Variants in SLC2A7 observed in about 807,000 individuals in gnomAD.
SLC2A7 encodes the protein solute carrier family 2, facilitated glucose transporter member 7.
SLC2A7 carries 50 observed loss-of-function variants against 50.5 expected under a neutral mutation model. The ratio of observed to expected loss-of-function variants is 0.99; its 90% CI spans 0.79 to 1.25. The LOEUF is 1.25. SLC2A7 is among the 50% of genes most tolerant of loss of function. The pLI, the probability that SLC2A7 is intolerant of heterozygous loss-of-function variation, is 0.00. For synonymous variants in SLC2A7, 308 were observed against 300.4 expected (o/e 1.03, Z -0.26); for missense variants, 683 against 679.1 (o/e 1.01, Z -0.06).
chr1:9,019,692 G>A (rs1640885131), intron 3 of SLC2A7, among the ~76,000 whole-genome samples: 1 of 152,218 alleles, frequency 6.6e-6, no homozygotes, highest in Non-Finnish European at 1.5e-5. Flanking sequence ...GGGAGGCTGA[G>A]GTGGGCGGAT....
Position 9,008,119 on chromosome 1 carries a change from G to T in SLC2A7, c.1117-734C>A, listed in dbSNP as rs1030358236. On this transcript the variant is annotated intron_variant, in intron 9 of 11. Coordinates refer to ENST00000400906, the MANE Select transcript of SLC2A7 (RefSeq NM_207420.3). This position sits in a 1 kb window ranked among gnomAD's most constrained non-coding sequence, Gnocchi z 5.9. ...ACCACCATCTCTGCTCCCAACTGCC[G>T]AGAGAACAGCCAATGCAAAACCGGG... 6.6e-6 allele frequency among the ~76,000 whole-genome samples: 1 copy of T among 152,000 alleles called. No homozygotes were observed. Among genetic ancestry groups the T allele is most frequent in the African/African-American group, 2.4e-5 (1 of 41,378 alleles).
rs1640599635 is a variant in SLC2A7, at chr1:9,003,189, G to A, written c.*111C>T. ...AATATCCATAATTAAGTTAAATGGGGGCAACGACAAAAGCCTCCGTGCTAT... is the reference window on the plus strand; with the variant it reads ...AATATCCATAATTAAGTTAAATGGGAGCAACGACAAAAGCCTCCGTGCTAT... On this transcript the variant is annotated 3_prime_UTR_variant, in exon 12 of 12. Coordinates refer to ENST00000400906, the MANE Select transcript of SLC2A7 (RefSeq NM_207420.3). 1.2e-6 allele frequency: 1 copy of A among 868,688 alleles called. No homozygotes were observed. Among genetic ancestry groups the A allele is most frequent in the East Asian group, 2.6e-5 (1 of 38,524 alleles). The allele number at this position is 868,688 out of a possible 1,614,324, so 53.8% of individuals were successfully genotyped here. A position where few individuals can be genotyped will look rare whatever the true frequency, so the allele number is the denominator to read the frequency against.
At chr1:9,004,907 C>T (rs759032755) in intron 10 of SLC2A7, 28 bp from the exon 11 acceptor site, 14 of 1,605,434 alleles carry the variant, frequency 8.7e-6, no homozygotes, top group African/African-American at 1.3e-5. Flanking sequence ...ATGGGTGGGG[C>T]GGAGAAGGAC....
At chr1:8,996,749 T>A in the SLC2A7 span, among the ~76,000 whole-genome samples, 1 of 152,202 alleles carries the variant, frequency 6.6e-6, no homozygotes, top group Non-Finnish European at 1.5e-5. Flanking sequence ...ATTGTGGTTT[T>A]AATTTACATA....
downstream of SLC2A7, among the ~76,000 whole-genome samples, chr1:9,000,398 C>T (rs2124228629): frequency 6.6e-6 from 1 of 151,984 alleles, no homozygotes; most frequent in Non-Finnish European, 1.5e-5. Flanking sequence ...ACAGATGGAT[C>T]ACCTGAGGTT....
chr1:9,013,144 A>G (rs1301802658), intron 8 of SLC2A7, among the ~76,000 whole-genome samples: 2 of 152,030 alleles, frequency 1.3e-5, no homozygotes, highest in East Asian at 3.9e-4. Flanking sequence ...CACCTGCCTC[A>G]GTCTCCCAAA....
Position 9,026,295 on chromosome 1 carries a change from C to T in SLC2A7, c.51G>A (p.Gly17=). The T allele has an allele frequency of 6.2e-7, 1 of 1,609,010 alleles. No individual in the cohort carries two copies. The highest frequency in any genetic ancestry group is 8.5e-7 in the Non-Finnish European group (1 of 1,177,494). ...GTPPPIPSRE[G]RLQPTLLLAT... ...ACAGGTTCCTAGTCTTGGCACTTAC[C>T]CCCTCCCTGGATGGAATGGGTGGAG... Residue 17 remains glycine, a splice_region_variant and synonymous_variant, in exon 1 of 12, where the codon GGG becomes GGA. Transcript: ENST00000400906.
chr1:8,997,920 A>G, the SLC2A7 span, among the ~76,000 whole-genome samples: 1 of 152,172 alleles, frequency 6.6e-6, no homozygotes, highest in African/African-American at 2.4e-5. Context: ...TAAGCTCACA[A>G]AGATTTATCT....
chr1:9,016,849 C>T (rs1640838285), intron 5 of SLC2A7, among the ~76,000 whole-genome samples: 1 of 152,180 alleles, frequency 6.6e-6, no homozygotes, highest in Non-Finnish European at 1.5e-5. Context: ...GAGTGTCTCT[C>T]ACTTTCTCCT....
In SLC2A7 at chr1:9,013,326, G is replaced by A. The variant is rs1347290356; in HGVS notation, c.1014+199C>T. ...ATTACAAGTGTGAGCCGCCGCGCCCGGCCGGCTCTGAAGGAATTTTGAGTT... is the reference window on the plus strand; with the variant it reads ...ATTACAAGTGTGAGCCGCCGCGCCCAGCCGGCTCTGAAGGAATTTTGAGTT... On this transcript the variant is annotated intron_variant, in intron 8 of 11. Transcript: ENST00000400906. 2.0e-5 allele frequency among the ~76,000 whole-genome samples: 3 copies of A among 152,164 alleles called. 1 individual carries two copies. The highest frequency in any genetic ancestry group is 4.1e-4 in the South Asian group (2 of 4,830).
chr1:9,007,295 C>G lies in SLC2A7; in HGVS notation c.1192+15G>C. The G allele has an allele frequency of 6.2e-7, 1 of 1,614,010 alleles. No individual in the cohort carries two copies. Among genetic ancestry groups the G allele is most frequent in the Non-Finnish European group, 8.5e-7 (1 of 1,179,894 alleles). Reference sequence around the variant, plus strand: ...ACCAGGATGGCCGGGGCGAGGGAGGCGTGCAGGTACTCACTGGGCCCAATG... The same window carrying G: ...ACCAGGATGGCCGGGGCGAGGGAGGGGTGCAGGTACTCACTGGGCCCAATG... On this transcript the variant is annotated intron_variant, in intron 10 of 11. Coordinates refer to ENST00000400906, the MANE Select transcript of SLC2A7 (RefSeq NM_207420.3).
At chr1:9,010,299 T>C in intron 8 of SLC2A7, 55 bp from the exon 9 acceptor site, 2 of 1,447,934 alleles carry the variant, frequency 1.4e-6, no homozygotes, top group Non-Finnish European at 1.9e-6. Context: ...CCACGGTTCT[T>C]GGGCCGAGCC....
At chr1:9,015,641 GA>G (rs1470036800) in intron 5 of SLC2A7, among the ~76,000 whole-genome samples, 1 of 152,114 alleles carries the variant, frequency 6.6e-6, no homozygotes, top group Non-Finnish European at 1.5e-5. Flanking sequence ...TTGGCCTAAG[GA>G]GGGGAACTGA....
chr1:8,996,864 C>T, the SLC2A7 span, among the ~76,000 whole-genome samples: 1 of 152,014 alleles, frequency 6.6e-6, no homozygotes. Context: ...CAACCTCTGC[C>T]TCCCGGGATC....
the SLC2A7 span, among the ~76,000 whole-genome samples, chr1:8,994,770 C>A: frequency 6.6e-6 from 1 of 150,810 alleles, no homozygotes; most frequent in Non-Finnish European, 1.5e-5. Flanking sequence ...CTTTTTTTTT[C>A]TTTGTTTTGT....
At chr1:8,992,549 T>C in the SLC2A7 span, among the ~76,000 whole-genome samples, 4 of 152,098 alleles carry the variant, frequency 2.6e-5, no homozygotes, top group African/African-American at 9.7e-5. Context: ...TTCTTTCTTT[T>C]TTGTGCTCAT....
Position 9,026,218 on chromosome 1 carries a change from C to T in SLC2A7, c.51+77G>A, listed in dbSNP as rs996359038. 2.3e-5 allele frequency: 34 copies of T among 1,485,546 alleles called. 1 individual carries two copies. Among genetic ancestry groups the T allele is most frequent in the African/African-American group, 1.2e-4 (9 of 72,304 alleles). The allele number at this position is 1,485,546 out of a possible 1,614,324, so 92.0% of individuals were successfully genotyped here. On this transcript the variant is annotated intron_variant, in intron 1 of 11. Coordinates refer to ENST00000400906, the MANE Select transcript of SLC2A7 (RefSeq NM_207420.3). ...CCCGCTCCTTGCTAAAAGCATTCCA[C>T]GGCCTTCACCTCCCTCCACAGGTCT...
intron 9 of SLC2A7, among the ~76,000 whole-genome samples, chr1:9,009,683 C>T (rs1017619429): frequency 1.3e-5 from 2 of 152,150 alleles, no homozygotes; most frequent in Admixed American, 6.5e-5. Context: ...GTCTTGAGCT[C>T]CTGGGCTCAA....
At chr1:9,020,669 TTCTC>T (rs200755969) in intron 3 of SLC2A7, among the ~76,000 whole-genome samples, 1 of 141,604 alleles carries the variant, frequency 7.1e-6, no homozygotes, top group Non-Finnish European at 1.5e-5. Flanking sequence ...CATCCTGATA[TTCTC>T]TCTTTTTTTT....
Sources: allele counts gnomAD v4.1 joint callset (sites outside exome capture counted in the v4.1 genomes callset), GRCh38; gene constraint gnomAD v4.1.1; non-coding constraint Gnocchi (gnomAD v3.1); transcripts MANE v1.5; gene names NCBI Gene and HGNC (gene_info 2026-07-23, HGNC 2026-07-21).